ABCC11: variants seen among roughly 807,000 people sequenced by gnomAD.
ABCC11 encodes ATP binding cassette subfamily C member 11, also known as ATP-binding cassette sub-family C member 11.
A neutral mutation model predicts 149.3 loss-of-function variants in ABCC11; 135 were observed. The ratio of observed to expected loss-of-function variants is 0.90; its 90% CI spans 0.79 to 1.04. The LOEUF (loss-of-function observed/expected upper bound fraction) is 1.04, where lower values mean the gene tolerates loss of function less well. ABCC11 is among the 50% of genes least tolerant of loss of function. The pLI, the probability that ABCC11 is intolerant of heterozygous loss-of-function variation, is 0.00. For synonymous variants in ABCC11, 665 were observed against 671.4 expected (o/e 0.99, Z 0.15); for missense variants, 1,680 against 1,722.1 (o/e 0.98, Z 0.43).
chr16:48,169,450 C>A (rs1472612562), intron 28 of ABCC11, among the ~76,000 whole-genome samples: 1 of 152,172 alleles, frequency 6.6e-6, no homozygotes, highest in African/African-American at 2.4e-5. Context: ...CCAGTTTTCC[C>A]AGCACCATTT....
intron 13 of ABCC11, 24 bp from the exon 14 acceptor site, chr16:48,203,324 G>A (rs777814440): frequency 6.4e-7 from 1 of 1,556,880 alleles, no homozygotes; most frequent in East Asian, 2.4e-5. Context: ...GGAGCCATAA[G>A]GCACAGGGGA....
chr16:48,169,514 T>C (rs1228905602), intron 28 of ABCC11, among the ~76,000 whole-genome samples: 1 of 152,092 alleles, frequency 6.6e-6, no homozygotes, highest in East Asian at 1.9e-4. Flanking sequence ...TTGTCAAAGA[T>C]CAGATGGTTG....
rs746107161 is a variant in ABCC11 at position 48,203,247 on chromosome 16, G to A, written c.1859C>T (p.Pro620Leu). 20 of 1,579,938 alleles carry A rather than the reference G, an allele frequency of 1.3e-5. No homozygotes were observed. The South Asian group carries it at 2.3e-4, about 18-fold the overall frequency. Reference protein sequence around the residue: ...CSLNRDLELLPFGDMTEIGER... With the variant: ...CSLNRDLELLLFGDMTEIGER... ...TCTCACCTCTGTCATGTCTCCAAAG[G>A]GCAGAAGTTCCAGGTCCCGATTCAG... The change falls in exon 14 of 30, where the codon CCC (proline) becomes CTC (leucine). Residue 620 changes from proline to leucine, a missense_variant. Transcript: ENST00000356608.
In ABCC11 at chr16:48,187,069, A is replaced by T. The variant is rs1199758301; in HGVS notation, c.2955T>A (p.Gly985=). Reference sequence around the variant, plus strand: ...TATAGTTCTCCAGTCTCTTGAACACACCGATGGCCTTCTTGAACATCCTGC... The same window carrying T: ...TATAGTTCTCCAGTCTCTTGAACACTCCGATGGCCTTCTTGAACATCCTGC... The part of the protein sequence containing the change: ...IYYMMFKKAI[G]VFKRLENYSR... Residue 985 remains glycine, a synonymous_variant, in exon 22 of 30, where the codon GGT becomes GGA. Coordinates refer to ENST00000356608, the MANE Select transcript of ABCC11 (RefSeq NM_001370497.1). 1.2e-6 allele frequency: 2 copies of T among 1,614,050 alleles called. No individual in the cohort carries two copies. Among genetic ancestry groups the T allele is most frequent in the East Asian group, 2.2e-5 (1 of 44,888 alleles).
At chr16:48,207,081 A>T (rs965541917) in intron 12 of ABCC11, among the ~76,000 whole-genome samples, 1 of 152,106 alleles carries the variant, frequency 6.6e-6, no homozygotes, top group Non-Finnish European at 1.5e-5. Flanking sequence ...GGAGGGGATG[A>T]GTTTGGCAAT....
At position 48,208,561 on chromosome 16, in the gene ABCC11, G is replaced by A. The variant is rs1968645180; in HGVS notation, c.1609-65C>T. Reference sequence around the variant, plus strand: ...AGCCCTGGCATACCCACCTGCCCATGGCGGCTCAACTGTTTAGAACCCAAA... The same window carrying A: ...AGCCCTGGCATACCCACCTGCCCATAGCGGCTCAACTGTTTAGAACCCAAA... On this transcript the variant is annotated intron_variant, in intron 11 of 29. Transcript: ENST00000356608. 3 of 1,578,684 alleles carry A rather than the reference G, an allele frequency of 1.9e-6. No homozygotes were observed. In the African/African-American group the frequency reaches 4.0e-5, roughly 21 times the overall value.
chr16:48,220,553 T>A (rs1051072100), intron 6 of ABCC11, among the ~76,000 whole-genome samples: 3 of 152,154 alleles, frequency 2.0e-5, no homozygotes, highest in African/African-American at 7.2e-5. Context: ...ATTGTACAGC[T>A]TACACTTGTC....
At chr16:48,185,233 T>C (rs1966684853) in intron 22 of ABCC11, among the ~76,000 whole-genome samples, 1 of 152,222 alleles carries the variant, frequency 6.6e-6, no homozygotes, top group South Asian at 2.1e-4. Context: ...TGAACATCTG[T>C]ATACCCTCTA....
chr16:48,169,482 C>A (rs1965554158), intron 28 of ABCC11, among the ~76,000 whole-genome samples: 1 of 152,030 alleles, frequency 6.6e-6, no homozygotes, highest in African/African-American at 2.4e-5. Context: ...AATCCTTTCC[C>A]CATTTCTTGT....
At chr16:48,186,908 A>C in intron 22 of ABCC11, 45 bp downstream of exon 22, 1 of 1,608,408 alleles carries the variant, frequency 6.2e-7, no homozygotes, top group Non-Finnish European at 8.5e-7. Flanking sequence ...GCTCCCCACC[A>C]CCCCTGTGGT....
rs1970360612 is a variant in ABCC11 at position 48,230,536 on chromosome 16, T to C, written c.137A>G (p.Gln46Arg). Reference protein sequence around the residue: ...YTLQDGPWSQQERNPEAPGRA... With the variant: ...YTLQDGPWSQRERNPEAPGRA... ...CCCTGGAGCCTCAGGATTTCTCTCTTGCTGACTCCAGGGGCCATCTTGGAG... is the reference window on the plus strand; with the variant it reads ...CCCTGGAGCCTCAGGATTTCTCTCTCGCTGACTCCAGGGGCCATCTTGGAG... Residue 46 changes from glutamine to arginine, a missense_variant, in exon 3 of 30, where the codon CAA becomes CGA. Gln to Arg is a conservative substitution (Grantham distance 43). Coordinates refer to ENST00000356608, the MANE Select transcript of ABCC11 (RefSeq NM_001370497.1). The C allele has an allele frequency of 1.9e-6, 3 of 1,612,612 alleles. No individual in the cohort carries two copies. Among genetic ancestry groups the C allele is most frequent in the Non-Finnish European group, 2.5e-6 (3 of 1,179,274 alleles).
At chr16:48,180,826 G>A (rs939777911) in intron 23 of ABCC11, among the ~76,000 whole-genome samples, 1 of 152,186 alleles carries the variant, frequency 6.6e-6, no homozygotes, top group Non-Finnish European at 1.5e-5. Flanking sequence ...AGTGTGGAAG[G>A]TGACTTGGAA....
intron 1 of ABCC11, among the ~76,000 whole-genome samples, chr16:48,246,479 T>C (rs879061545): frequency 6.6e-6 from 1 of 152,250 alleles, no homozygotes; most frequent in Non-Finnish European, 1.5e-5. Context: ...CATGGGCACA[T>C]TGTGAACTTG....
chr16:48,193,807 T>G, intron 19 of ABCC11, 72 bp downstream of exon 19: 1 of 1,287,354 alleles, frequency 7.8e-7, no homozygotes, highest in Non-Finnish European at 1.1e-6. Flanking sequence ...TCTTGTGGTC[T>G]CAAGGAGCAA....
At chr16:48,211,300 T>C in intron 10 of ABCC11, 101 bp from the exon 11 acceptor site, 1 of 1,423,826 alleles carries the variant, frequency 7.0e-7, no homozygotes. Context: ...TATGGTTTTG[T>C]GAATTTCTAA....
intron 25 of ABCC11, 25 bp downstream of exon 25, chr16:48,176,899 C>T (rs773044957): frequency 9.3e-6 from 15 of 1,608,024 alleles, no homozygotes; most frequent in African/African-American, 4.0e-5. Context: ...GAGCTGGGGA[C>T]GCTCGCCCAG....
At chr16:48,242,520 A>G (rs1345557090) in intron 1 of ABCC11, among the ~76,000 whole-genome samples, 1 of 152,184 alleles carries the variant, frequency 6.6e-6, no homozygotes, top group Non-Finnish European at 1.5e-5. Context: ...TAGAAATACC[A>G]TTTGACCCAG....
intron 7 of ABCC11, 41 bp from the exon 8 acceptor site, chr16:48,215,385 G>A: frequency 3.8e-6 from 6 of 1,598,120 alleles, no homozygotes; most frequent in Non-Finnish European, 5.1e-6. Flanking sequence ...GATCTGCAAG[G>A]GCTTCCTTTG....
At chr16:48,205,269 C>T in intron 13 of ABCC11, 144 bp downstream of exon 13, 1 of 1,276,490 alleles carries the variant, frequency 7.8e-7, no homozygotes, top group Non-Finnish European at 1.1e-6. Flanking sequence ...GATGGTATTT[C>T]TTTCACAGTG....
Sources: gnomAD v4.1 joint callset for allele counts (sites outside exome capture counted in the v4.1 genomes callset) on GRCh38, gnomAD v4.1.1 for gene constraint, MANE v1.5 for transcripts, NCBI Gene and HGNC (gene_info 2026-07-23, HGNC 2026-07-21) for gene names.